POLA2: variants seen among roughly 807,000 people sequenced by gnomAD.
The protein encoded by POLA2 is DNA polymerase alpha 2, accessory subunit.
In POLA2, 47 loss-of-function variants were observed where a neutral mutation model predicts 82.8. The observed-to-expected ratio is 0.57, with a 90% confidence interval of 0.45 to 0.72. The LOEUF is 0.72. Ranked by LOEUF, POLA2 falls within the 30% of genes least tolerant of loss-of-function variation. The pLI, the probability that POLA2 is intolerant of heterozygous loss-of-function variation, is 0.00. For missense variants in POLA2, 634 were observed against 728.1 expected, an observed-to-expected ratio of 0.87 and a Z score of 1.49; for synonymous variants, 287 against 286.8, an observed-to-expected ratio of 1.00 and a Z score of -0.01.
chr11:65,266,248 C>T (rs1021135986), intron 1 of POLA2, among the ~76,000 whole-genome samples: 5 of 152,200 alleles, frequency 3.3e-5, no homozygotes, highest in Admixed American at 2.6e-4. Context: ...ACTGGCTTCA[C>T]TTCCAGCATG....
intron 15 of POLA2, among the ~76,000 whole-genome samples, chr11:65,295,238 T>C (rs1949797478): frequency 6.6e-6 from 1 of 152,230 alleles, no homozygotes; most frequent in Non-Finnish European, 1.5e-5. Flanking sequence ...ACCCGCCTCA[T>C]GATGGTGCCA....
At chr11:65,274,684 A>G (rs972664883) in intron 4 of POLA2, among the ~76,000 whole-genome samples, 4 of 152,152 alleles carry the variant, frequency 2.6e-5, no homozygotes, top group African/African-American at 9.7e-5. Flanking sequence ...TCAAAAAAAA[A>G]AAAAAGATTA....
At chr11:65,292,658 C>T (rs1242283229) in intron 13 of POLA2, among the ~76,000 whole-genome samples, 2 of 152,160 alleles carry the variant, frequency 1.3e-5, no homozygotes, top group Admixed American at 1.3e-4. Context: ...GTCAAAGGGA[C>T]AATAATGAAT....
At chr11:65,287,593 A>C in intron 10 of POLA2, 123 bp from the exon 11 acceptor site, 2 of 829,066 alleles carry the variant, frequency 2.4e-6, no homozygotes, top group Non-Finnish European at 3.7e-6. Context: ...TTGGGTCCCC[A>C]GAGTTTCACA....
At chr11:65,280,868 C>T in intron 7 of POLA2, 124 bp from the exon 8 acceptor site, 1 of 936,252 alleles carries the variant, frequency 1.1e-6, no homozygotes. Context: ...AGGGTCAAAG[C>T]AATGCCCTGC....
chr11:65,289,777 T>G (rs540501895), intron 12 of POLA2, 22 bp from the exon 13 acceptor site: 13 of 1,529,300 alleles, frequency 8.5e-6, no homozygotes, highest in African/African-American at 2.7e-5. Context: ...CGTCTAAATC[T>G]GTCTCCTTTC....
chr11:65,296,165 C>G, intron 17 of POLA2, 175 bp downstream of exon 17: 2 of 668,986 alleles, frequency 3.0e-6, no homozygotes, highest in East Asian at 2.6e-5. Flanking sequence ...ACAAACAACT[C>G]TGTCAGTAAA....
Position 65,275,740 on chromosome 11 carries a change from G to A in POLA2, c.355-152G>A, listed in dbSNP as rs2137526802. 4 of 435,306 alleles carry A rather than the reference G, an allele frequency of 9.2e-6. No homozygotes were observed. In the East Asian group the frequency reaches 1.4e-4, roughly 16 times the overall value. 27.0% of individuals were successfully genotyped at this position (435,306 alleles called of 1,614,324 possible). On this transcript the variant is annotated intron_variant, in intron 4 of 17. Transcript: ENST00000265465. ...GTTGAAGATTTCTTTTTGAGATTAT[G>A]CTTGGATGATGGGGCCTTAAGAAGA...
chr11:65,280,841 G>C, intron 7 of POLA2, 151 bp from the exon 8 acceptor site: 1 of 669,548 alleles, frequency 1.5e-6, no homozygotes, highest in Non-Finnish European at 2.5e-6. Flanking sequence ...AGTCAGTGAT[G>C]ACGCGGTAGT....
chr11:65,262,343 A>T lies in POLA2; in HGVS notation c.51A>T (p.Leu17=). The change falls in exon 1 of 18, where the codon CTA becomes CTT. Residue 17 remains leucine (L), a synonymous_variant. Coordinates refer to ENST00000265465, the MANE Select transcript of POLA2 (RefSeq NM_002689.4). ...QLAEELQIFG[L]DCEEALIEKL... The stretch of plus-strand genomic sequence containing the variant: ...CGGAGGAGCTGCAGATCTTCGGCCT[A>T]GACTGCGAGGAGGCTCTAATTGAGA... The T allele has an allele frequency of 1.9e-6, 3 of 1,613,914 alleles. No individual in the cohort carries two copies. The highest frequency in any genetic ancestry group is 2.5e-6 in the Non-Finnish European group (3 of 1,179,876).
At chr11:65,269,474 G>A (rs1461240463) in intron 4 of POLA2, among the ~76,000 whole-genome samples, 6 of 148,442 alleles carry the variant, frequency 4.0e-5, no homozygotes, top group Admixed American at 4.0e-4. Flanking sequence ...GCGACAGAGC[G>A]AGACTCCGTC....
downstream of POLA2, among the ~76,000 whole-genome samples, chr11:65,302,025 A>G (rs1475213109): frequency 6.6e-6 from 1 of 152,066 alleles, no homozygotes; most frequent in African/African-American, 2.4e-5. Context: ...CCCCACCCAG[A>G]GCCTGCCTGA....
Position 65,305,372 on chromosome 11 carries a change from GTT to G in POLA2, c.660_661del (p.Leu221AlafsTer25), listed in dbSNP as rs541594630. ...CACCCAAATTCCTTTGTTTTGTTTA[GTT>G]TTTGCCTTTCAGATGGACAAAAATC... On this transcript the variant is annotated frameshift_variant and splice_region_variant, in exon 9 of 9. Coordinates refer to the POLA2 transcript ENST00000525924. LOFTEE classifies it low-confidence loss of function (END_TRUNC). The G allele has an allele frequency of 2.8e-5, 13 of 456,228 alleles. No homozygotes were observed. The East Asian group carries it at 8.3e-4, about 29-fold the overall frequency. 28.3% of individuals were successfully genotyped at this position (456,228 alleles called of 1,614,324 possible).
Position 65,262,298 on chromosome 11 carries a change from C to T in POLA2, c.6C>T (p.Ser2=), listed in dbSNP as rs757379425. The change falls in exon 1 of 18, where the codon TCC becomes TCT. Residue 2 remains serine, a synonymous_variant. Coordinates refer to ENST00000265465, the MANE Select transcript of POLA2 (RefSeq NM_002689.4). M[S]ASAQQLAEEL... The stretch of plus-strand genomic sequence containing the variant: ...GGCCCCTGGCTTGGGCGACCATGTC[C>T]GCATCCGCCCAGCAGCTGGCGGAGG... The T allele has an allele frequency of 2.0e-5, 33 of 1,612,774 alleles. No individual in the cohort carries two copies. In the South Asian group the frequency reaches 3.0e-4, roughly 15 times the overall value.
chr11:65,299,554 G>A (rs961637318), downstream of POLA2, among the ~76,000 whole-genome samples: 8 of 152,232 alleles, frequency 5.3e-5, no homozygotes, highest in South Asian at 8.3e-4. Context: ...GCCATGGCGC[G>A]GATCCTCCAT....
downstream of POLA2, among the ~76,000 whole-genome samples, chr11:65,299,054 T>A (rs1007237385): frequency 5.9e-5 from 9 of 152,178 alleles, no homozygotes; most frequent in African/African-American, 2.2e-4. Context: ...GTCAGGAAGG[T>A]GCCAAGTGAC....
downstream of POLA2, chr11:65,305,689 C>T (rs150781933): frequency 2.6e-5 from 7 of 272,462 alleles, no homozygotes; most frequent in East Asian, 8.5e-4. Context: ...TCTAAAATAA[C>T]AATAATAAGA....
intron 17 of POLA2, chr11:65,296,335 T>G: frequency 4.3e-6 from 1 of 234,710 alleles, no homozygotes. Context: ...CAAATTCTGA[T>G]ATGACCTCCA....
intron 4 of POLA2, 144 bp from the exon 5 acceptor site, chr11:65,275,748 G>C (rs1316231205): frequency 4.5e-6 from 2 of 439,588 alleles, no homozygotes; most frequent in South Asian, 5.9e-5. Flanking sequence ...ATGCTTGGAT[G>C]ATGGGGCCTT....
Sources: gnomAD v4.1 joint callset for allele counts (sites outside exome capture counted in the v4.1 genomes callset) on GRCh38, gnomAD v4.1.1 for gene constraint, MANE v1.5 for transcripts, NCBI Gene and HGNC (gene_info 2026-07-23, HGNC 2026-07-21) for gene names.